HTR2C: variants seen among roughly 807,000 people sequenced by gnomAD.
HTR2C encodes the protein 5-hydroxytryptamine (serotonin) receptor 2C, G protein-coupled.
A neutral mutation model predicts 21.0 loss-of-function variants in HTR2C; 5 were observed. That is an observed-to-expected ratio of 0.24 (90% CI 0.12 to 0.50). The LOEUF (loss-of-function observed/expected upper bound fraction) is 0.50. Ranked by LOEUF, HTR2C falls within the 20% of genes least tolerant of loss-of-function variation. The pLI is 0.98. For synonymous variants in HTR2C, 150 were observed against 145.3 expected (o/e 1.03, Z -0.23); for missense variants, 271 against 371.2 (o/e 0.73, Z 2.22).
chrX:114,776,525 T>C, intron 4 of HTR2C: 2 of 542,190 alleles, frequency 3.7e-6, no homozygotes, highest in Non-Finnish European at 6.7e-6. Context: ...CATATCAGAC[T>C]AGACAACAGC....
rs781950877 is a variant in HTR2C, at chrX:114,614,147, C to T, written c.-80+266C>T. 4.7e-4 allele frequency among the ~76,000 whole-genome samples: 52 copies of T among 110,953 alleles called. No homozygotes were observed. The South Asian group carries it at 0.019, about 39-fold the overall frequency. ...CCCTTACCGAACTGTTAACCACCACCGCAGATTTATAGTAAATAAGTATAA... is the reference window on the plus strand; with the variant it reads ...CCCTTACCGAACTGTTAACCACCACTGCAGATTTATAGTAAATAAGTATAA... On this transcript the variant is annotated intron_variant, in intron 2 of 5. Transcript: ENST00000276198.
At chrX:114,633,017 A>G (rs1168643378) in intron 2 of HTR2C, among the ~76,000 whole-genome samples, 1 of 111,105 alleles carries the variant, frequency 9.0e-6, no homozygotes, top group Non-Finnish European at 1.9e-5. Flanking sequence ...ACTGATAATA[A>G]GATGTGAGAA....
chrX:114,844,540 T>C (rs1450743377), intron 4 of HTR2C, among the ~76,000 whole-genome samples: 3 of 111,969 alleles, frequency 2.7e-5, no homozygotes, highest in Non-Finnish European at 5.7e-5. Flanking sequence ...TGTGAAAGAA[T>C]TAAATTTTCC....
intron 1 of HTR2C, among the ~76,000 whole-genome samples, chrX:114,591,685 A>C (rs1927639980): frequency 8.9e-6 from 1 of 112,042 alleles, no homozygotes; most frequent in Non-Finnish European, 1.9e-5. Flanking sequence ...GATGAAGATG[A>C]ATAAAGAAAA....
chrX:114,657,996 T>C (rs1169263476), intron 2 of HTR2C, among the ~76,000 whole-genome samples: 2 of 111,585 alleles, frequency 1.8e-5, no homozygotes, highest in African/African-American at 6.5e-5. Flanking sequence ...TTAAAATTTC[T>C]TTGTTACAAT....
At chrX:114,688,325 A>G (rs1433066502) in intron 2 of HTR2C, among the ~76,000 whole-genome samples, 1 of 109,037 alleles carries the variant, frequency 9.2e-6, no homozygotes, top group African/African-American at 3.3e-5. Flanking sequence ...CATCTCAAAA[A>G]AAAAAAAAAA....
chrX:114,729,918 G>A (rs1556422877), intron 3 of HTR2C, among the ~76,000 whole-genome samples: 2 of 111,439 alleles, frequency 1.8e-5, no homozygotes, highest in African/African-American at 6.5e-5. Context: ...CATATATTGT[G>A]CAACCAGAGG....
intron 4 of HTR2C, among the ~76,000 whole-genome samples, chrX:114,807,893 G>A (rs782520742): frequency 3.6e-5 from 4 of 110,620 alleles, no homozygotes; most frequent in East Asian, 5.7e-4. Context: ...GGATGGTCTC[G>A]ATCTCTTGAC....
intron 2 of HTR2C, among the ~76,000 whole-genome samples, chrX:114,709,529 T>C (rs1401731659): frequency 8.9e-6 from 1 of 112,269 alleles, no homozygotes; most frequent in Non-Finnish European, 1.9e-5. Context: ...AATTAAATGA[T>C]CAAGAAAGCA....
chrX:114,616,070 AG>A (rs2054593065), intron 2 of HTR2C, among the ~76,000 whole-genome samples: 1 of 111,374 alleles, frequency 9.0e-6, no homozygotes, highest in African/African-American at 3.3e-5. Flanking sequence ...GACATGAAAA[AG>A]ATATGTACAA....
At chrX:114,900,366 G>A (rs2071328589) in intron 5 of HTR2C, 1 of 256,283 alleles carries the variant, frequency 3.9e-6, no homozygotes, top group African/African-American at 2.9e-5. Context: ...AAACTTCTGA[G>A]ATTTCTGGTC....
intron 2 of HTR2C, among the ~76,000 whole-genome samples, chrX:114,622,874 A>G (rs1163132328): frequency 8.9e-6 from 1 of 112,276 alleles, no homozygotes. Context: ...TGTTCAAATC[A>G]GAAACAATTA....
chrX:114,611,238 C>T (rs190097366), intron 1 of HTR2C, among the ~76,000 whole-genome samples: 70 of 112,185 alleles, frequency 6.2e-4, no homozygotes, highest in African/African-American at 2.2e-3. Context: ...CTGTTCTTAG[C>T]AGTTCTTGGT....
chrX:114,699,953 T>A (rs969965909), intron 2 of HTR2C, among the ~76,000 whole-genome samples: 13 of 59,928 alleles, frequency 2.2e-4, no homozygotes, highest in Admixed American at 5.3e-4. Context: ...GCATTTCTTT[T>A]GATTAAGTTA....
intron 4 of HTR2C, among the ~76,000 whole-genome samples, chrX:114,735,351 A>G (rs1398967330): frequency 2.7e-5 from 3 of 110,993 alleles, no homozygotes; most frequent in Non-Finnish European, 5.7e-5. Flanking sequence ...AAAATTACAA[A>G]ATAAAGCAAA....
intron 4 of HTR2C, among the ~76,000 whole-genome samples, chrX:114,768,596 A>T (rs1041051197): frequency 2.7e-5 from 3 of 110,948 alleles, no homozygotes; most frequent in African/African-American, 9.8e-5. Context: ...TTGTTATTTA[A>T]GTGGAATATG....
At chrX:114,715,434 G>A in intron 2 of HTR2C, 1 of 274,483 alleles carries the variant, frequency 3.6e-6, no homozygotes, top group Non-Finnish European at 7.4e-6. Context: ...GGAATTGCTT[G>A]TGGGTGAAGA....
chrX:114,656,131 A>G (rs1365657293), intron 2 of HTR2C, among the ~76,000 whole-genome samples: 2 of 110,533 alleles, frequency 1.8e-5, no homozygotes, highest in Non-Finnish European at 3.8e-5. Context: ...TCTGACCTCT[A>G]TTACCTTTTC....
intron 4 of HTR2C, among the ~76,000 whole-genome samples, chrX:114,777,749 G>A (rs1285567377): frequency 2.7e-5 from 3 of 110,789 alleles, no homozygotes; most frequent in African/African-American, 9.9e-5. Context: ...GTAGAGACAG[G>A]GTTTCCCTGT....
Sources: allele counts gnomAD v4.1 joint callset (sites outside exome capture counted in the v4.1 genomes callset), GRCh38; gene constraint gnomAD v4.1.1; transcripts MANE v1.5; gene names NCBI Gene and HGNC (gene_info 2026-07-23, HGNC 2026-07-21).